Variants in NTRK3 observed in about 807,000 individuals in gnomAD.
The protein encoded by NTRK3 is neurotrophic receptor tyrosine kinase 3, also known as NT-3 growth factor receptor.
NTRK3 carries 24 observed loss-of-function variants against 91.7 expected under a neutral mutation model. The observed-to-expected ratio is 0.26, with a 90% CI of 0.19 to 0.37. The LOEUF is 0.37. NTRK3 is among the 10% of genes least tolerant of loss of function. NTRK3 has a pLI of 1.00. For missense variants in NTRK3, 880 were observed against 1,068.9 expected (o/e 0.82, Z 2.46); for synonymous variants, 483 against 404.0 (o/e 1.20, Z -2.34).
At chr15:88,107,577 T>C (rs1326231212) in intron 13 of NTRK3, among the ~76,000 whole-genome samples, 1 of 152,102 alleles carries the variant, frequency 6.6e-6, no homozygotes, top group Non-Finnish European at 1.5e-5. Context: ...GGACTCTGTC[T>C]CCAAACTTCA....
chr15:88,112,001 G>T (rs1036565049), intron 13 of NTRK3, among the ~76,000 whole-genome samples: 5 of 151,396 alleles, frequency 3.3e-5, no homozygotes, highest in Non-Finnish European at 5.9e-5. Flanking sequence ...CCGCCTCCAA[G>T]GTACACGCCA....
At chr15:88,182,265 GA>G (rs1355693504) in intron 5 of NTRK3, among the ~76,000 whole-genome samples, 1 of 151,730 alleles carries the variant, frequency 6.6e-6, no homozygotes, top group Admixed American at 6.6e-5. Flanking sequence ...ATGTGCTTGG[GA>G]AAACACAAAG....
At chr15:88,101,182 C>A (rs1001152066) in intron 13 of NTRK3, among the ~76,000 whole-genome samples, 2 of 152,160 alleles carry the variant, frequency 1.3e-5, no homozygotes, top group Non-Finnish European at 2.9e-5. Flanking sequence ...AAAAAACAAA[C>A]AACCCCATCA....
chr15:88,068,967 G>A (rs144104529), intron 13 of NTRK3, among the ~76,000 whole-genome samples: 82 of 152,268 alleles, frequency 5.4e-4, no homozygotes, highest in African/African-American at 1.7e-3. Context: ...AGGTAGGTAC[G>A]TCTGGATTGA....
At chr15:88,082,446 G>A (rs1381235529) in intron 13 of NTRK3, among the ~76,000 whole-genome samples, 1 of 152,098 alleles carries the variant, frequency 6.6e-6, no homozygotes, top group African/African-American at 2.4e-5. Flanking sequence ...GTGTACACCT[G>A]TATCACCACC....
intron 17 of NTRK3, among the ~76,000 whole-genome samples, chr15:87,907,759 C>A (rs1567093820): frequency 6.6e-6 from 1 of 152,046 alleles, no homozygotes; most frequent in Non-Finnish European, 1.5e-5. Flanking sequence ...AGCCCCCAAG[C>A]AAAAAGTGGA....
intron 13 of NTRK3, among the ~76,000 whole-genome samples, chr15:88,066,410 A>G (rs567328386): frequency 6.6e-6 from 1 of 152,242 alleles, no homozygotes; most frequent in African/African-American, 2.4e-5. Context: ...AGTTGTTTCA[A>G]TAAAGAGCTG....
intron 6 of NTRK3, among the ~76,000 whole-genome samples, chr15:88,142,033 T>G (rs547822554): frequency 6.6e-6 from 1 of 152,186 alleles, no homozygotes; most frequent in African/African-American, 2.4e-5. Flanking sequence ...GCAGAAAACA[T>G]TTTGAGTCTT....
rs140838485 is a variant in NTRK3, at chr15:87,916,808, G to A, written c.2133+12383C>T. 6.2e-3 allele frequency among the ~76,000 whole-genome samples: 947 copies of A among 151,936 alleles called. 15 individuals are homozygous for A. Among genetic ancestry groups the A allele is most frequent in the African/African-American group, 0.022 (905 of 41,426 alleles). On this transcript the variant is annotated intron_variant, in intron 17 of 18. Transcript: ENST00000394480. ...ACAGAGTCTCACTCTATCACTCAGG[G>A]TGGAGTGCGGTGGTGTGATCTCGGC...
chr15:87,862,532 A>G (rs960212899), exon 19 of NTRK3: 2 of 226,860 alleles, frequency 8.8e-6, no homozygotes, highest in African/African-American at 4.4e-5. Context: ...ACCTGCAGTG[A>G]CTGACTTGCC....
intron 17 of NTRK3, chr15:87,908,637 T>A: frequency 2.5e-6 from 1 of 398,782 alleles, no homozygotes; most frequent in Non-Finnish European, 4.4e-6. Flanking sequence ...GAAGGAAGCA[T>A]GGAAGGATGA....
chr15:87,962,914 G>A (rs1394536259), intron 14 of NTRK3, among the ~76,000 whole-genome samples: 1 of 152,188 alleles, frequency 6.6e-6, no homozygotes, highest in Non-Finnish European at 1.5e-5. Context: ...GTGCAGCTCA[G>A]AATCCCCAGC....
intron 17 of NTRK3, among the ~76,000 whole-genome samples, chr15:87,913,695 G>A (rs2067252048): frequency 6.6e-6 from 1 of 152,226 alleles, no homozygotes; most frequent in Admixed American, 6.5e-5. Context: ...GCAATTCAGT[G>A]ACATGGGAAG....
intron 14 of NTRK3, among the ~76,000 whole-genome samples, chr15:88,008,198 A>G (rs1265403049): frequency 1.3e-5 from 2 of 152,198 alleles, no homozygotes; most frequent in African/African-American, 4.8e-5. Context: ...ACCTTAGAGC[A>G]TAACAGGGTT....
Position 88,247,044 on chromosome 15 carries a change from GGTCT to G in NTRK3, c.248+8858_248+8861del, listed in dbSNP as rs1356632756. Among the ~76,000 whole-genome samples the G allele has an allele frequency of 2.6e-5, 4 of 152,168 alleles. No individual in the cohort carries two copies. The East Asian group carries it at 7.7e-4, about 29-fold the overall frequency. On this transcript the variant is annotated intron_variant, in intron 3 of 18. Transcript: ENST00000394480. ...GCAGAGGGAAGCCAAAATCTTTTAAGGTCTGTTTACAGAGACCTCAGACACGATG... is the reference window on the plus strand; with the variant it reads ...GCAGAGGGAAGCCAAAATCTTTTAAGGTTTACAGAGACCTCAGACACGATG...
At chr15:87,957,421 A>C (rs1452554855) in intron 14 of NTRK3, among the ~76,000 whole-genome samples, 3 of 151,852 alleles carry the variant, frequency 2.0e-5, no homozygotes, top group Non-Finnish European at 4.4e-5. Context: ...ATTGGGCTGG[A>C]CTCCCACCCA....
intron 17 of NTRK3, among the ~76,000 whole-genome samples, chr15:87,894,179 G>T (rs1447466308): frequency 1.3e-5 from 2 of 152,064 alleles, no homozygotes; most frequent in Non-Finnish European, 2.9e-5. Flanking sequence ...TTTCCCACAT[G>T]CCCCAGTGGC....
chr15:88,048,740 T>C (rs145174201), intron 13 of NTRK3, among the ~76,000 whole-genome samples: 2 of 152,302 alleles, frequency 1.3e-5, no homozygotes, highest in East Asian at 3.9e-4. Context: ...AGGGGAAGAC[T>C]TGGGATTATT....
chr15:88,082,103 C>T (rs1266038528), intron 13 of NTRK3, among the ~76,000 whole-genome samples: 1 of 151,938 alleles, frequency 6.6e-6, no homozygotes, highest in Non-Finnish European at 1.5e-5. Flanking sequence ...GGTGAAACCC[C>T]GTCCCTACTG....
Sources: gnomAD v4.1 joint callset for allele counts (sites outside exome capture counted in the v4.1 genomes callset) on GRCh38, gnomAD v4.1.1 for gene constraint, MANE v1.5 for transcripts, NCBI Gene and HGNC (gene_info 2026-07-23, HGNC 2026-07-21) for gene names.